The following CEP295NL variants were observed in gnomAD, a reference collection of about 807,000 sequenced individuals.
The protein encoded by CEP295NL is CEP295 N-terminal like.
Under a neutral mutation model 4.6 loss-of-function variants are expected in CEP295NL, and 3 were observed. The ratio of observed to expected loss-of-function variants is 0.65; its 90% CI spans 0.30 to 1.69. The LOEUF (loss-of-function observed/expected upper bound fraction) is 1.69. Ranked by LOEUF, CEP295NL falls within the 40% of genes most tolerant of loss-of-function variation. The probability of loss-of-function intolerance (pLI) is 0.10; values close to 1 mark genes in which losing one functional copy is unlikely to be tolerated. For synonymous variants in CEP295NL, 295 were observed against 312.2 expected, an observed-to-expected ratio of 0.94 and a Z score of 0.58; for missense variants, 719 against 769.0, an observed-to-expected ratio of 0.93 and a Z score of 0.77.
At position 78,896,778 on chromosome 17, in the gene CEP295NL, A is replaced by C. The variant is rs1369996299; in HGVS notation, c.45-4319T>G. 6.6e-6 allele frequency among the ~76,000 whole-genome samples: 1 copy of C among 152,118 alleles called. No individual in the cohort carries two copies. Among genetic ancestry groups the C allele is most frequent in the African/African-American group, 2.4e-5 (1 of 41,424 alleles). On this transcript the variant is annotated intron_variant, in intron 2 of 2. Coordinates refer to ENST00000322630, the MANE Select transcript of CEP295NL (RefSeq NM_001243540.2). The surrounding 1 kb of genome is among the most constrained non-coding windows in gnomAD (Gnocchi z 4.4). ...CCTCCGGACGGCACCAGGGCCTCCCACAGAGCGGAGTGGACACTGGGCCCA... is the reference window on the plus strand; with the variant it reads ...CCTCCGGACGGCACCAGGGCCTCCCCCAGAGCGGAGTGGACACTGGGCCCA...
Position 78,891,030 on chromosome 17 carries a change from G to A in CEP295NL, c.1474C>T (p.Gln492Ter). 1 of 1,551,152 alleles carries A rather than the reference G, an allele frequency of 6.4e-7. No homozygotes were observed. Among genetic ancestry groups the A allele is most frequent in the South Asian group, 1.2e-5 (1 of 84,058 alleles). ...EGSLQLHLQD[Q>*]ADRVGSTASR... is the part of the protein sequence containing the mutation. ...GCCGTCGAGCCCACTCTGTCTGCCT[G>A]GTCTTGAAGGTGGAGCTGAAGGGAG... Residue 492 changes from glutamine (Q) to a stop codon, truncating the protein, a stop_gained, in exon 3 of 3, where the codon CAG becomes TAG. Coordinates refer to ENST00000322630, the MANE Select transcript of CEP295NL (RefSeq NM_001243540.2). LOFTEE classifies it low-confidence loss of function (END_TRUNC). The surrounding 1 kb of genome is among the most constrained non-coding windows in gnomAD (Gnocchi z 4.5).
At chr17:78,898,597 C>T (rs559443908) in intron 2 of CEP295NL, 3 of 152,388 alleles carry the variant, frequency 2.0e-5, no homozygotes, top group Admixed American at 6.5e-5. Flanking sequence ...CGATCATCCC[C>T]ATCTTCTTTC....
Position 78,891,582 on chromosome 17 carries a change from G to A in CEP295NL, c.922C>T (p.Leu308Phe). The change falls in exon 3 of 3, where the codon CTC (leucine) becomes TTC (phenylalanine). Residue 308 changes from leucine to phenylalanine, a missense_variant. Transcript: ENST00000322630. The surrounding 1 kb of genome is among the most constrained non-coding windows in gnomAD (Gnocchi z 4.5). ...GQSLEGKLRD[L>F]GQLWPADSSC... ...GAATCAGCTGGCCACAGCTGCCCGA[G>A]GTCTCTCAGCTTCCCCTCCAGACTC... 6.4e-7 allele frequency: 1 copy of A among 1,550,830 alleles called. No individual in the cohort carries two copies. Among genetic ancestry groups the A allele is most frequent in the Non-Finnish European group, 8.7e-7 (1 of 1,147,054 alleles).
rs954844463 is a variant in CEP295NL, at chr17:78,896,692, C to A, written c.45-4233G>T. Among the ~76,000 whole-genome samples, 4 of 152,114 alleles carry A rather than the reference C, an allele frequency of 2.6e-5. No homozygotes were observed. Among genetic ancestry groups the A allele is most frequent in the African/African-American group, 9.7e-5 (4 of 41,414 alleles). ...TCAACCACTCAGAGAAACCACAGCT[C>A]CCCCCTCCGCAGAAGCCGCGCTCGG... On this transcript the variant is annotated intron_variant, in intron 2 of 2. Transcript: ENST00000322630. The surrounding 1 kb of genome is among the most constrained non-coding windows in gnomAD (Gnocchi z 4.4).
intron 2 of CEP295NL, among the ~76,000 whole-genome samples, chr17:78,901,531 CA>C (rs2145784762): frequency 6.6e-6 from 1 of 151,974 alleles, no homozygotes; most frequent in African/African-American, 2.4e-5. Context: ...GCCCACTGAC[CA>C]AAGGTCCTAG....
At chr17:78,895,934 GC>G (rs984895827) in intron 2 of CEP295NL, among the ~76,000 whole-genome samples, 1 of 152,218 alleles carries the variant, frequency 6.6e-6, no homozygotes, top group African/African-American at 2.4e-5. Context: ...CTCTGGAAGT[GC>G]CCCCAGCCCG....
chr17:78,901,932 G>A lies in CEP295NL; in HGVS notation c.-98-6C>T, dbSNP rs890809952. 1.6e-6 allele frequency: 1 copy of A among 613,284 alleles called. No homozygotes were observed. The allele number at this position is 613,284 out of a possible 1,614,324, so 38.0% of individuals were successfully genotyped here. A position where few individuals can be genotyped will look rare whatever the true frequency, so the allele number is the denominator to read the frequency against. ...AGGTAGTGAGACGCCCATCACTGGA[G>A]GCATCCGAACCAAGCCCAGATAAAA... On this transcript the variant is annotated splice_region_variant and splice_polypyrimidine_tract_variant and intron_variant, in intron 1 of 2. Coordinates refer to ENST00000322630, the MANE Select transcript of CEP295NL (RefSeq NM_001243540.2).
At chr17:78,897,669 G>C (rs1273900025) in intron 2 of CEP295NL, 1 of 152,296 alleles carries the variant, frequency 6.6e-6, no homozygotes, top group African/African-American at 2.4e-5. Context: ...ACAATGGCAA[G>C]CATGGCCATC....
At chr17:78,892,632 T>A in intron 2 of CEP295NL, 173 bp from the exon 3 acceptor site, 1 of 973,888 alleles carries the variant, frequency 1.0e-6, no homozygotes, top group Non-Finnish European at 1.5e-6. Flanking sequence ...CCAATTTCTG[T>A]CCTGTACACT....
intron 2 of CEP295NL, among the ~76,000 whole-genome samples, chr17:78,894,197 C>G (rs548555310): frequency 2.0e-5 from 3 of 151,998 alleles, no homozygotes; most frequent in Non-Finnish European, 2.9e-5. Context: ...GCTCCTACCC[C>G]CCCCGGTTCA....
Position 78,891,406 on chromosome 17 carries a change from C to A in CEP295NL, c.1098G>T (p.Lys366Asn), listed in dbSNP as rs1275375253. ...KKHLCLYLALKPRMDQRPGEG... is the reference protein window; with the variant it reads ...KKHLCLYLALNPRMDQRPGEG... Reference sequence around the variant, plus strand: ...CCCCAGGTCTCTGGTCCATCCTGGGCTTCAGTGCCAGGTACAAGCACAGGT... The same window carrying A: ...CCCCAGGTCTCTGGTCCATCCTGGGATTCAGTGCCAGGTACAAGCACAGGT... Residue 366 changes from lysine to asparagine, a missense_variant, in exon 3 of 3, where the codon AAG becomes AAT. Physicochemically the swap from Lys to Asn is moderately conservative, Grantham distance 94 (BLOSUM62 0). Coordinates refer to ENST00000322630, the MANE Select transcript of CEP295NL (RefSeq NM_001243540.2). The surrounding 1 kb of genome is among the most constrained non-coding windows in gnomAD (Gnocchi z 4.5). The A allele has an allele frequency of 6.4e-6, 10 of 1,550,738 alleles. No individual in the cohort carries two copies. Among genetic ancestry groups the A allele is most frequent in the Non-Finnish European group, 8.7e-6 (10 of 1,147,036 alleles).
intron 2 of CEP295NL, among the ~76,000 whole-genome samples, chr17:78,894,768 C>T (rs1265658887): frequency 6.6e-6 from 1 of 151,608 alleles, no homozygotes; most frequent in African/African-American, 2.4e-5. Context: ...ACACCAAAAG[C>T]ACAACCAATA....
At chr17:78,900,661 G>A (rs1286067147) in intron 2 of CEP295NL, among the ~76,000 whole-genome samples, 2 of 152,162 alleles carry the variant, frequency 1.3e-5, no homozygotes, top group Admixed American at 6.5e-5. Context: ...TCAAAGCTGT[G>A]GGCATCCCCG....
chr17:78,895,346 GATGTGTGGCTA>G lies in CEP295NL; in HGVS notation c.45-2898_45-2888del, dbSNP rs2069982213. On this transcript the variant is annotated intron_variant, in intron 2 of 2. Coordinates refer to ENST00000322630, the MANE Select transcript of CEP295NL (RefSeq NM_001243540.2). ...AATAGATATTTCACCAAAGAACATA[GATGTGTGGCTA>G]ATACAGCACATAAAAACATGTTCAA... 3.3e-5 allele frequency among the ~76,000 whole-genome samples: 5 copies of G among 152,172 alleles called. 1 individual carries two copies. In the South Asian group the frequency reaches 1.0e-3, roughly 32 times the overall value.
In CEP295NL at chr17:78,891,650, GCCC is replaced by G; in HGVS notation, c.851_853del (p.Gly284del). ...GGTCAGGGCTGGAACAAAGCAAACTGCCCCCTTTCCCAGTTGCCTCCTCCCCGC... is the reference window on the plus strand; with the variant it reads ...GGTCAGGGCTGGAACAAAGCAAACTGCCTTTCCCAGTTGCCTCCTCCCCGC... On this transcript the variant is annotated inframe_deletion, in exon 3 of 3. Coordinates refer to ENST00000322630, the MANE Select transcript of CEP295NL (RefSeq NM_001243540.2). The surrounding 1 kb of genome is among the most constrained non-coding windows in gnomAD (Gnocchi z 4.5). 1 of 1,550,928 alleles carries G rather than the reference GCCC, an allele frequency of 6.4e-7. No individual in the cohort carries two copies. Among genetic ancestry groups the G allele is most frequent in the Non-Finnish European group, 8.7e-7 (1 of 1,147,092 alleles).
Position 78,890,795 on chromosome 17 carries a change from C to T in CEP295NL, c.1709G>A (p.Ser570Asn). The T allele has an allele frequency of 6.4e-7, 1 of 1,550,590 alleles. No homozygotes were observed. The highest frequency in any genetic ancestry group is 8.7e-7 in the Non-Finnish European group (1 of 1,147,004). ...GCTGGTGCCCGATGGGGAAGTGGTG[C>T]TGAGCTCAGATCCTCTCTCCCTTTC... ...AQERERGSEL[S>N]TTSPSGTSLA... is the part of the protein sequence containing the mutation. Residue 570 changes from serine to asparagine, a missense_variant, in exon 3 of 3, where the codon AGC becomes AAC. Transcript: ENST00000322630.
Position 78,896,804 on chromosome 17 carries a change from T to C in CEP295NL, c.45-4345A>G, listed in dbSNP as rs1486219429. 2.0e-6 allele frequency: 1 copy of C among 488,310 alleles called. No homozygotes were observed. Among genetic ancestry groups the C allele is most frequent in the African/African-American group, 2.1e-5 (1 of 47,270 alleles). The allele number at this position is 488,310 out of a possible 1,614,324, so 30.2% of individuals were successfully genotyped here. A position where few individuals can be genotyped will look rare whatever the true frequency, so the allele number is the denominator to read the frequency against. On this transcript the variant is annotated intron_variant, in intron 2 of 2. Coordinates refer to ENST00000322630, the MANE Select transcript of CEP295NL (RefSeq NM_001243540.2). The surrounding 1 kb of genome is among the most constrained non-coding windows in gnomAD (Gnocchi z 4.4). Reference sequence around the variant, plus strand: ...CAGAGCGGAGTGGACACTGGGCCCATTCTCCTCTCTTGCTCTCTACAGCCC... The same window carrying C: ...CAGAGCGGAGTGGACACTGGGCCCACTCTCCTCTCTTGCTCTCTACAGCCC...
At position 78,894,759 on chromosome 17, in the gene CEP295NL, C is replaced by T. The variant is rs563957620; in HGVS notation, c.45-2300G>A. ...TCAGGCAAAGATTTCTTAGATACAACACCAAAAGCACAACCAATAAACAAA... is the reference window on the plus strand; with the variant it reads ...TCAGGCAAAGATTTCTTAGATACAATACCAAAAGCACAACCAATAAACAAA... On this transcript the variant is annotated intron_variant, in intron 2 of 2. Coordinates refer to ENST00000322630, the MANE Select transcript of CEP295NL (RefSeq NM_001243540.2). Among the ~76,000 whole-genome samples, 5 of 151,774 alleles carry T rather than the reference C, an allele frequency of 3.3e-5. No homozygotes were observed. The South Asian group carries it at 6.2e-4, about 19-fold the overall frequency.
chr17:78,892,838 A>C (rs1289310043), intron 2 of CEP295NL, among the ~76,000 whole-genome samples: 1 of 152,204 alleles, frequency 6.6e-6, no homozygotes, highest in Non-Finnish European at 1.5e-5. Context: ...GACAGTGAAT[A>C]ACCTGGCCAG....
Sources: allele counts gnomAD v4.1 joint callset (sites outside exome capture counted in the v4.1 genomes callset), GRCh38; gene constraint gnomAD v4.1.1; non-coding constraint Gnocchi (gnomAD v3.1); transcripts MANE v1.5; gene names NCBI Gene and HGNC (gene_info 2026-07-23, HGNC 2026-07-21).